The following TMTC2 variants were observed in gnomAD, a reference collection of about 807,000 sequenced individuals.
The protein encoded by TMTC2 is protein O-mannosyl-transferase TMTC2.
A neutral mutation model predicts 82.4 loss-of-function variants in TMTC2; 43 were observed. The ratio of observed to expected loss-of-function variants is 0.52; its 90% confidence interval spans 0.41 to 0.67. The LOEUF (loss-of-function observed/expected upper bound fraction) is 0.67, where lower values mean the gene tolerates loss of function less well. Ranked by LOEUF, TMTC2 falls within the 30% of genes least tolerant of loss-of-function variation. The pLI, the probability that TMTC2 is intolerant of heterozygous loss-of-function variation, is 0.00. For missense variants in TMTC2, 919 were observed against 1,012.4 expected, an observed-to-expected ratio of 0.91 and a Z score of 1.25; for synonymous variants, 408 against 381.9, an observed-to-expected ratio of 1.07 and a Z score of -0.80.
chr12:82,874,307 C>G (rs1419188231), intron 2 of TMTC2, among the ~76,000 whole-genome samples: 2 of 152,180 alleles, frequency 1.3e-5, no homozygotes, highest in South Asian at 2.1e-4. Flanking sequence ...ACTCATTTAA[C>G]CTCTCCAGGA....
chr12:82,860,164 A>G lies in TMTC2; in HGVS notation c.654+2584A>G, dbSNP rs562023628. 3.4e-3 allele frequency among the ~76,000 whole-genome samples: 484 copies of G among 142,032 alleles called. 2 individuals carry two copies. Among genetic ancestry groups the G allele is most frequent in the African/African-American group, 0.013 (421 of 32,164 alleles). The allele number at this position is 142,032 out of a possible 152,430, so 93.2% of individuals were successfully genotyped here. Reference sequence around the variant, plus strand: ...AATTTTTGTATTTTTAGTAGAGGCCAGGTTTCACCATGTTGGCCAGGATGG... The same window carrying G: ...AATTTTTGTATTTTTAGTAGAGGCCGGGTTTCACCATGTTGGCCAGGATGG... On this transcript the variant is annotated intron_variant, in intron 2 of 11. Transcript: ENST00000321196.
intron 1 of TMTC2, among the ~76,000 whole-genome samples, chr12:82,689,773 A>G (rs1038887734): frequency 2.0e-5 from 3 of 152,156 alleles, no homozygotes; most frequent in Middle Eastern, 3.2e-3. Context: ...AAAATTCGTG[A>G]CTTCTATCTT....
At chr12:83,003,902 T>C (rs1880033284) in intron 8 of TMTC2, among the ~76,000 whole-genome samples, 1 of 152,166 alleles carries the variant, frequency 6.6e-6, no homozygotes, top group Non-Finnish European at 1.5e-5. Context: ...AATTTGCATG[T>C]TGACCTCTCT....
intron 1 of TMTC2, among the ~76,000 whole-genome samples, chr12:82,840,253 G>A (rs1255203350): frequency 6.6e-6 from 1 of 152,216 alleles, no homozygotes. Flanking sequence ...AATCCTAACA[G>A]CTAGTAAGTC....
intron 2 of TMTC2, among the ~76,000 whole-genome samples, chr12:82,876,914 A>G (rs1251085827): frequency 6.6e-6 from 1 of 152,184 alleles, no homozygotes; most frequent in Non-Finnish European, 1.5e-5. Context: ...ATACATAGAC[A>G]TCTCTAAGTG....
intron 8 of TMTC2, among the ~76,000 whole-genome samples, chr12:83,008,155 A>C (rs1042820890): frequency 2.6e-5 from 4 of 152,088 alleles, no homozygotes; most frequent in South Asian, 2.1e-4. Context: ...CTTTTGCACC[A>C]ACCTAATAAT....
At chr12:82,692,105 G>C (rs919997321) in intron 1 of TMTC2, among the ~76,000 whole-genome samples, 4 of 152,188 alleles carry the variant, frequency 2.6e-5, no homozygotes, top group African/African-American at 9.6e-5. Flanking sequence ...CATTGAGCCT[G>C]TCACATGATG....
At chr12:82,894,676 A>T (rs1194008655) in intron 2 of TMTC2, among the ~76,000 whole-genome samples, 1 of 152,126 alleles carries the variant, frequency 6.6e-6, no homozygotes, top group Non-Finnish European at 1.5e-5. Context: ...GATGTCACCT[A>T]AGTTTCTTGC....
chr12:82,806,832 G>C (rs1879266389), intron 1 of TMTC2, among the ~76,000 whole-genome samples: 1 of 152,122 alleles, frequency 6.6e-6, no homozygotes, highest in African/African-American at 2.4e-5. Context: ...TGCTGTGTTA[G>C]ATGGCAAAGG....
At chr12:82,826,124 A>T (rs1164941845) in intron 1 of TMTC2, among the ~76,000 whole-genome samples, 6 of 152,232 alleles carry the variant, frequency 3.9e-5, no homozygotes, top group Non-Finnish European at 8.8e-5. Flanking sequence ...TACTAATCTT[A>T]TTCCAAAATA....
Position 83,075,510 on chromosome 12 carries a change from C to T in TMTC2, c.2331+13679C>T, listed in dbSNP as rs182895640. Among the ~76,000 whole-genome samples the T allele has an allele frequency of 3.0e-3, 464 of 152,172 alleles. 2 individuals carry two copies. Among genetic ancestry groups the T allele is most frequent in the Non-Finnish European group, 4.5e-3 (308 of 67,994 alleles). On this transcript the variant is annotated intron_variant, in intron 11 of 11. Transcript: ENST00000321196. The stretch of plus-strand genomic sequence containing the variant: ...TCAAGAGAAGTTATTAGTTTTCCCC[C>T]ACGTTTTATCTGTTTTTATTAATTG...
intron 8 of TMTC2, among the ~76,000 whole-genome samples, chr12:83,026,815 G>A (rs1592702627): frequency 6.6e-6 from 1 of 151,346 alleles, no homozygotes; most frequent in Non-Finnish European, 1.5e-5. Context: ...TGGGAGAGAT[G>A]CTGCTTGCCT....
chr12:82,714,373 T>G (rs1005252850), intron 1 of TMTC2, among the ~76,000 whole-genome samples: 6 of 152,226 alleles, frequency 3.9e-5, no homozygotes, highest in Admixed American at 3.9e-4. Context: ...ATATTTAATT[T>G]TAGGTGTTTT....
At chr12:82,798,365 C>T (rs545593213) in intron 1 of TMTC2, among the ~76,000 whole-genome samples, 2,429 of 148,010 alleles carry the variant, frequency 0.016, 62 homozygotes, top group African/African-American at 0.056. Context: ...GGCGTGGTGG[C>T]GGGCGCCTGT....
At position 82,724,093 on chromosome 12, in the gene TMTC2, T is replaced by G. The variant is rs1000980843; in HGVS notation, c.83+36424T>G. On this transcript the variant is annotated intron_variant, in intron 1 of 11. Coordinates refer to ENST00000321196, the MANE Select transcript of TMTC2 (RefSeq NM_152588.3). ...CTGCAAGATGCCCTGGGGAAAGAAA[T>G]TTTGTCTGGTTTCTCTCTGACACAG... Among the ~76,000 whole-genome samples, 3 of 152,182 alleles carry G rather than the reference T, an allele frequency of 2.0e-5. No homozygotes were observed. In the South Asian group the frequency reaches 6.2e-4, roughly 32 times the overall value.
intron 1 of TMTC2, among the ~76,000 whole-genome samples, chr12:82,796,077 G>T (rs1878703148): frequency 6.6e-6 from 1 of 152,176 alleles, no homozygotes; most frequent in African/African-American, 2.4e-5. Flanking sequence ...ATGGCACTCA[G>T]TGTGTGTATC....
intron 11 of TMTC2, among the ~76,000 whole-genome samples, chr12:83,067,511 A>G (rs1446358318): frequency 4.6e-5 from 7 of 151,982 alleles, no homozygotes; most frequent in African/African-American, 1.7e-4. Flanking sequence ...TGAAGAAGAA[A>G]AAGGAGACTG....
intron 3 of TMTC2, among the ~76,000 whole-genome samples, chr12:82,900,567 G>T (rs1394620785): frequency 1.5e-5 from 2 of 135,924 alleles, no homozygotes; most frequent in African/African-American, 2.7e-5. Context: ...ATGTAGGAAT[G>T]TATATACATA....
At chr12:83,068,905 A>G (rs1883012751) in intron 11 of TMTC2, among the ~76,000 whole-genome samples, 1 of 151,938 alleles carries the variant, frequency 6.6e-6, no homozygotes, top group African/African-American at 2.4e-5. Context: ...TATCATTCTT[A>G]TGCCTTTGCG....
Sources: allele counts gnomAD v4.1 joint callset (sites outside exome capture counted in the v4.1 genomes callset), GRCh38; gene constraint gnomAD v4.1.1; transcripts MANE v1.5; gene names NCBI Gene and HGNC (gene_info 2026-07-23, HGNC 2026-07-21).